USH2A: variants seen among roughly 807,000 people sequenced by gnomAD.
The protein encoded by USH2A is Usher syndrome 2A (autosomal recessive, mild).
In USH2A, 443 loss-of-function variants were observed where a neutral mutation model predicts 538.9. The observed-to-expected ratio is 0.82, with a 90% CI of 0.76 to 0.89. The LOEUF is 0.89. Among genes scored for constraint, USH2A ranks in the 40% least tolerant of loss-of-function variants. The pLI is 0.00. For synonymous variants in USH2A, 2,413 were observed against 2,273.5 expected (o/e 1.06, Z -1.75); for missense variants, 6,633 against 6,324.8 (o/e 1.05, Z -1.65).
At chr1:215,976,370 G>A (rs1667620324) in intron 35 of USH2A, among the ~76,000 whole-genome samples, 1 of 152,044 alleles carries the variant, frequency 6.6e-6, no homozygotes. Flanking sequence ...GGTGAGAGTG[G>A]GCATTCTTAT....
chr1:216,181,794 C>T (rs2034498884), intron 20 of USH2A, among the ~76,000 whole-genome samples: 1 of 152,104 alleles, frequency 6.6e-6, no homozygotes, highest in Non-Finnish European at 1.5e-5. Context: ...ACACTTGCTT[C>T]TCTGACAGCA....
intron 61 of USH2A, among the ~76,000 whole-genome samples, chr1:215,686,569 T>G (rs1462399549): frequency 6.6e-6 from 1 of 152,058 alleles, no homozygotes; most frequent in African/African-American, 2.4e-5. Flanking sequence ...GTTTTTGAAC[T>G]GCATTTGTTA....
intron 38 of USH2A, among the ~76,000 whole-genome samples, chr1:215,916,462 G>A (rs183908249): frequency 1.3e-3 from 194 of 152,088 alleles, no homozygotes; most frequent in Admixed American, 3.3e-3. Flanking sequence ...GGTCTTTCAC[G>A]TACATATTTA....
At chr1:215,665,794 T>A (rs1158513902) in intron 64 of USH2A, among the ~76,000 whole-genome samples, 1 of 152,252 alleles carries the variant, frequency 6.6e-6, no homozygotes, top group Non-Finnish European at 1.5e-5. Flanking sequence ...CTTCTTGGAT[T>A]TGTAAATATT....
intron 61 of USH2A, among the ~76,000 whole-genome samples, chr1:215,713,015 C>T (rs1659382904): frequency 6.6e-6 from 1 of 152,138 alleles, no homozygotes; most frequent in South Asian, 2.1e-4. Context: ...CCATGTTGGC[C>T]AGGCTGATCT....
Position 215,880,316 on chromosome 1 carries a change from A to C in USH2A, c.8224-1218T>G, listed in dbSNP as rs1664873225. The stretch of plus-strand genomic sequence containing the variant: ...TTTTTAAAGAGTATTCTTACTAATA[A>C]TTGGTGACAAAAGGGCTCTCACCAC... On this transcript the variant is annotated intron_variant, in intron 41 of 71. Coordinates refer to ENST00000307340, the MANE Select transcript of USH2A (RefSeq NM_206933.4). Among the ~76,000 whole-genome samples the C allele has an allele frequency of 1.3e-5, 2 of 152,176 alleles. 1 individual carries two copies. Among genetic ancestry groups the C allele is most frequent in the Admixed American group, 1.3e-4 (2 of 15,288 alleles).
intron 44 of USH2A, among the ~76,000 whole-genome samples, chr1:215,865,934 T>G (rs188479214): frequency 6.6e-6 from 1 of 152,218 alleles, no homozygotes; most frequent in Admixed American, 6.5e-5. Context: ...AGCATCTCTC[T>G]TCTTAAGCTG....
intron 37 of USH2A, among the ~76,000 whole-genome samples, chr1:215,956,286 C>T (rs767285824): frequency 7.2e-5 from 11 of 152,176 alleles, no homozygotes; most frequent in Middle Eastern, 3.2e-3. Flanking sequence ...ATCTGCCCCA[C>T]GGCTGGCTTA....
chr1:216,110,177 AAAAAC>A (rs374433016), intron 21 of USH2A, among the ~76,000 whole-genome samples: 123 of 152,178 alleles, frequency 8.1e-4, no homozygotes, highest in Admixed American at 2.2e-3. Flanking sequence ...TAAAAATAAC[AAAAAC>A]AAAACAAAAC....
At chr1:215,771,559 G>A (rs1661286367) in intron 55 of USH2A, among the ~76,000 whole-genome samples, 1 of 102,056 alleles carries the variant, frequency 9.8e-6, no homozygotes, top group African/African-American at 3.9e-5. Context: ...CAGCCTGGGC[G>A]ACAGAGCGAG....
At chr1:216,024,362 T>A (rs1293109901) in intron 32 of USH2A, among the ~76,000 whole-genome samples, 1 of 152,042 alleles carries the variant, frequency 6.6e-6, no homozygotes, top group East Asian at 1.9e-4. Flanking sequence ...GTTGTGAGGA[T>A]AACATAAAAC....
At chr1:216,217,336 C>G in intron 15 of USH2A, 51 bp downstream of exon 15, 3 of 1,604,930 alleles carry the variant, frequency 1.9e-6, no homozygotes, top group Non-Finnish European at 2.6e-6. Flanking sequence ...GAGATGCAGT[C>G]CCCTGTATGA....
rs191644761 is a variant in USH2A at position 216,297,136 on chromosome 1, G to C, written c.1645-4766C>G. Among the ~76,000 whole-genome samples the C allele has an allele frequency of 5.1e-4, 78 of 152,056 alleles. 2 individuals are homozygous for C. The highest frequency in any genetic ancestry group is 2.4e-4 in the Non-Finnish European group (16 of 67,914). On this transcript the variant is annotated intron_variant, in intron 9 of 71. Transcript: ENST00000307340. ...TGATTTGCTAGCCCTGTGTTCTTGAGTAATTGCCTGTACCTCTTTAATCCT... is the reference window on the plus strand; with the variant it reads ...TGATTTGCTAGCCCTGTGTTCTTGACTAATTGCCTGTACCTCTTTAATCCT...
At chr1:216,025,286 TTAGAC>T (rs1175297430) in intron 32 of USH2A, among the ~76,000 whole-genome samples, 2 of 151,942 alleles carry the variant, frequency 1.3e-5, no homozygotes, top group Non-Finnish European at 2.9e-5. Flanking sequence ...TTAATTTGTC[TTAGAC>T]TAAATACTTT....
At chr1:216,157,279 A>G (rs1386181806) in intron 21 of USH2A, among the ~76,000 whole-genome samples, 2 of 152,214 alleles carry the variant, frequency 1.3e-5, no homozygotes, top group Non-Finnish European at 2.9e-5. Context: ...ATGAGATACC[A>G]TCTCACACTA....
chr1:216,139,198 G>A (rs928176920), intron 21 of USH2A, among the ~76,000 whole-genome samples: 3 of 152,058 alleles, frequency 2.0e-5, no homozygotes, highest in Admixed American at 2.0e-4. Context: ...GAAAGCAAGT[G>A]TGGGAATTCC....
intron 11 of USH2A, among the ~76,000 whole-genome samples, chr1:216,286,515 C>G (rs891510158): frequency 6.6e-6 from 1 of 151,942 alleles, no homozygotes; most frequent in Non-Finnish European, 1.5e-5. Flanking sequence ...GGATTTGACA[C>G]CAGTCTAGCC....
At chr1:215,637,848 A>G (rs768500146) in intron 69 of USH2A, among the ~76,000 whole-genome samples, 3 of 152,116 alleles carry the variant, frequency 2.0e-5, no homozygotes, top group Non-Finnish European at 4.4e-5. Context: ...AACTCTATAC[A>G]TGCAAATTTG....
At chr1:216,391,610 T>C (rs957906489) in intron 3 of USH2A, among the ~76,000 whole-genome samples, 5 of 152,200 alleles carry the variant, frequency 3.3e-5, no homozygotes, top group Non-Finnish European at 5.9e-5. Flanking sequence ...TAGTACATCT[T>C]AATAAATAAT....
Sources: gnomAD v4.1 joint callset for allele counts (sites outside exome capture counted in the v4.1 genomes callset) on GRCh38, gnomAD v4.1.1 for gene constraint, MANE v1.5 for transcripts, NCBI Gene and HGNC (gene_info 2026-07-23, HGNC 2026-07-21) for gene names.